The following KCNIP4 variants were observed in gnomAD, a reference collection of about 807,000 sequenced individuals.
KCNIP4 encodes potassium voltage-gated channel interacting protein 4, also known as Kv channel-interacting protein 4.
A neutral mutation model predicts 34.0 loss-of-function variants in KCNIP4; 12 were observed. That is an observed-to-expected ratio of 0.35 (90% CI 0.23 to 0.57). The LOEUF is 0.57. KCNIP4 is among the 20% of genes least tolerant of loss of function. The pLI is 0.83. For missense variants in KCNIP4, 238 were observed against 311.7 expected, an observed-to-expected ratio of 0.76 and a Z score of 1.78; for synonymous variants, 124 against 102.2, an observed-to-expected ratio of 1.21 and a Z score of -1.29.
intron 1 of KCNIP4, among the ~76,000 whole-genome samples, chr4:21,652,590 A>G (rs549291289): frequency 6.6e-6 from 1 of 152,216 alleles, no homozygotes; most frequent in Admixed American, 6.5e-5. Flanking sequence ...TATAAGGAAA[A>G]TAAATTTTCC....
chr4:21,250,333 C>T (rs975547310), intron 1 of KCNIP4, among the ~76,000 whole-genome samples: 2 of 151,834 alleles, frequency 1.3e-5, no homozygotes, highest in Non-Finnish European at 2.9e-5. Flanking sequence ...AAACTTCTTC[C>T]TTACAGTTAC....
intron 5 of KCNIP4, among the ~76,000 whole-genome samples, chr4:20,737,687 T>G (rs1039491623): frequency 6.6e-6 from 1 of 152,196 alleles, no homozygotes; most frequent in Admixed American, 6.5e-5. Context: ...GCAGAAGCTC[T>G]GATACTAAGC....
intron 1 of KCNIP4, among the ~76,000 whole-genome samples, chr4:21,922,890 G>A (rs1578147130): frequency 1.3e-5 from 2 of 152,154 alleles, no homozygotes; most frequent in African/African-American, 2.4e-5. Context: ...CACAATTACA[G>A]AAGGAGAGAT....
chr4:21,013,922 A>G (rs1425943000), intron 1 of KCNIP4, among the ~76,000 whole-genome samples: 1 of 152,052 alleles, frequency 6.6e-6, no homozygotes, highest in Non-Finnish European at 1.5e-5. Flanking sequence ...CTTCCATAGT[A>G]CTCTGCTGTC....
At position 21,059,779 on chromosome 4, in the gene KCNIP4, A is replaced by G. The variant is rs1401796478; in HGVS notation, c.62-177070T>C. Among the ~76,000 whole-genome samples, 7 of 152,126 alleles carry G rather than the reference A, an allele frequency of 4.6e-5. No homozygotes were observed. The East Asian group carries it at 9.6e-4, about 21-fold the overall frequency. On this transcript the variant is annotated intron_variant, in intron 1 of 8. Coordinates refer to ENST00000382152, the MANE Select transcript of KCNIP4 (RefSeq NM_025221.6). ...AATAATTACTAATTAATTTATATGC[A>G]TCTCTTTTCATTTCATTCATTTATC...
chr4:20,786,876 C>G (rs1420408996), intron 3 of KCNIP4, among the ~76,000 whole-genome samples: 1 of 152,094 alleles, frequency 6.6e-6, no homozygotes, highest in Non-Finnish European at 1.5e-5. Context: ...TTGAACAACT[C>G]CCTTAACATC....
chr4:21,338,190 G>A (rs1209257076), intron 1 of KCNIP4, among the ~76,000 whole-genome samples: 8 of 150,464 alleles, frequency 5.3e-5, no homozygotes, highest in Middle Eastern at 3.4e-3. Flanking sequence ...GCGTGAACCC[G>A]GGAGGCGCAG....
At chr4:21,427,086 T>G (rs1041023621) in intron 1 of KCNIP4, among the ~76,000 whole-genome samples, 2 of 152,058 alleles carry the variant, frequency 1.3e-5, no homozygotes, top group Non-Finnish European at 2.9e-5. Flanking sequence ...TTTCAATACA[T>G]GACTGAGAGA....
intron 3 of KCNIP4, among the ~76,000 whole-genome samples, chr4:20,817,029 C>A (rs1159945973): frequency 6.6e-6 from 1 of 152,118 alleles, no homozygotes; most frequent in Non-Finnish European, 1.5e-5. Flanking sequence ...GGAAACCAGT[C>A]AATATTTTAT....
intron 3 of KCNIP4, among the ~76,000 whole-genome samples, chr4:20,761,246 A>G (rs1178784032): frequency 4.6e-5 from 7 of 152,190 alleles, no homozygotes; most frequent in Non-Finnish European, 1.0e-4. Context: ...TTAGATATCA[A>G]GCTGGCCAAG....
chr4:21,402,664 C>T (rs1312616901), intron 1 of KCNIP4, among the ~76,000 whole-genome samples: 1 of 152,168 alleles, frequency 6.6e-6, no homozygotes, highest in Non-Finnish European at 1.5e-5. Flanking sequence ...CACAATCCCA[C>T]CACCAAATGT....
chr4:20,855,548 C>T (rs1721485484), intron 2 of KCNIP4, among the ~76,000 whole-genome samples: 1 of 152,222 alleles, frequency 6.6e-6, no homozygotes, highest in Admixed American at 6.5e-5. Flanking sequence ...ATCTGTTCCT[C>T]CTTACTACTC....
chr4:21,547,485 A>G (rs1738236694), intron 1 of KCNIP4, among the ~76,000 whole-genome samples: 1 of 152,048 alleles, frequency 6.6e-6, no homozygotes, highest in Non-Finnish European at 1.5e-5. Flanking sequence ...AGAGGCTCTT[A>G]TATGATAATA....
chr4:21,251,396 C>T (rs1322599436), intron 1 of KCNIP4, among the ~76,000 whole-genome samples: 1 of 151,994 alleles, frequency 6.6e-6, no homozygotes, highest in Admixed American at 6.6e-5. Flanking sequence ...AAAATGCACA[C>T]AGCAATCCTG....
chr4:20,979,640 C>T (rs1027817922), intron 1 of KCNIP4, among the ~76,000 whole-genome samples: 1 of 151,870 alleles, frequency 6.6e-6, no homozygotes. Context: ...CCTCGTGATC[C>T]ACCCGCCTCG....
At chr4:21,417,325 G>A (rs1725041067) in intron 1 of KCNIP4, among the ~76,000 whole-genome samples, 1 of 151,868 alleles carries the variant, frequency 6.6e-6, no homozygotes, top group South Asian at 2.1e-4. Flanking sequence ...GTGTCTGTGT[G>A]CTTAGTGGGT....
intron 1 of KCNIP4, among the ~76,000 whole-genome samples, chr4:21,471,280 C>G (rs552400149): frequency 7.2e-5 from 11 of 152,150 alleles, no homozygotes; most frequent in African/African-American, 2.6e-4. Flanking sequence ...CTGGAGAAAG[C>G]GATAGTAATT....
At chr4:21,671,152 C>T (rs535605748) in intron 1 of KCNIP4, among the ~76,000 whole-genome samples, 1 of 152,118 alleles carries the variant, frequency 6.6e-6, no homozygotes, top group East Asian at 1.9e-4. Context: ...TTATCGCATG[C>T]CTCATAAAAC....
At position 21,948,711 on chromosome 4, in the gene KCNIP4, G is replaced by T; in HGVS notation, c.-80C>A. 6.3e-6 allele frequency: 9 copies of T among 1,439,852 alleles called. No homozygotes were observed. The highest frequency in any genetic ancestry group is 2.9e-5 in the South Asian group (2 of 67,970). The allele number at this position is 1,439,852 out of a possible 1,614,324, so 89.2% of individuals were successfully genotyped here. A position where few individuals can be genotyped will look rare whatever the true frequency, so the allele number is the denominator to read the frequency against. On this transcript the variant is annotated 5_prime_UTR_variant, in exon 1 of 9. Coordinates refer to ENST00000382152, the MANE Select transcript of KCNIP4 (RefSeq NM_025221.6). ...TCTGTCCACGGGTCTGCACGGGAGC[G>T]CACCGCCGCTCGGCCCGGGGGCGTC...
Sources: allele counts gnomAD v4.1 joint callset (sites outside exome capture counted in the v4.1 genomes callset), GRCh38; gene constraint gnomAD v4.1.1; transcripts MANE v1.5; gene names NCBI Gene and HGNC (gene_info 2026-07-23, HGNC 2026-07-21).